The following ABCB11 variants were observed in gnomAD, a reference collection of about 807,000 sequenced individuals.
The protein encoded by ABCB11 is bile salt export pump.
Under a neutral mutation model 148.0 loss-of-function variants are expected in ABCB11, and 95 were observed. The observed-to-expected ratio is 0.64, with a 90% CI of 0.54 to 0.76. The LOEUF is 0.76. Among genes scored for constraint, ABCB11 ranks in the 30% least tolerant of loss-of-function variants. ABCB11 has a pLI of 0.00. For synonymous variants in ABCB11, 591 were observed against 555.4 expected, an observed-to-expected ratio of 1.06 and a Z score of -0.90; for missense variants, 1,523 against 1,617.8, an observed-to-expected ratio of 0.94 and a Z score of 1.01.
chr2:169,018,016 G>C (rs1573984892), intron 2 of ABCB11, 34 bp downstream of exon 2: 3 of 1,568,022 alleles, frequency 1.9e-6, no homozygotes, highest in East Asian at 4.5e-5. Flanking sequence ...ACCTCTCCTT[G>C]TACAAGATGC....
chr2:169,014,345 A>C lies in ABCB11; in HGVS notation c.108T>G (p.Asp36Glu). 1.2e-6 allele frequency: 2 copies of C among 1,613,048 alleles called. No individual in the cohort carries two copies. Among genetic ancestry groups the C allele is most frequent in the South Asian group, 1.1e-5 (1 of 91,050 alleles). ...YNNDKKSRLQ[D>E]EKKGDGVRVG... ...CTCTAACGCCATCACCTTTCTTCTC[A>C]TCTTGTAACCTGATGAGAAAAACAT... The change falls in exon 4 of 28, where the codon GAT (aspartate) becomes GAG (glutamate). Residue 36 changes from aspartate (D) to glutamate (E), a missense_variant. Transcript: ENST00000650372.
Position 168,979,890 on chromosome 2 carries a change from G to A in ABCB11, c.1173C>T (p.Thr391=). 6.3e-7 allele frequency: 1 copy of A among 1,598,064 alleles called. No individual in the cohort carries two copies. Among genetic ancestry groups the A allele is most frequent in the Non-Finnish European group, 8.5e-7 (1 of 1,169,988 alleles). The change falls in exon 11 of 28, where the codon ACC becomes ACT. Residue 391 remains threonine (T), a synonymous_variant. Coordinates refer to ENST00000650372, the MANE Select transcript of ABCB11 (RefSeq NM_003742.4). ...CCCTGTCTATTGTCTCAAAAATGCTGGTGGCTGCTGCACGTCCAGTTGCAA... is the reference window on the plus strand; with the variant it reads ...CCCTGTCTATTGTCTCAAAAATGCTAGTGGCTGCTGCACGTCCAGTTGCAA... ...EAFATGRAAA[T]SIFETIDRKP... is the part of the protein sequence containing the mutation.
intron 3 of ABCB11, 139 bp from the exon 4 acceptor site, chr2:169,014,493 A>T: frequency 1.4e-6 from 1 of 736,650 alleles, no homozygotes; most frequent in South Asian, 1.7e-5. Flanking sequence ...CAAACCTAGT[A>T]TCTTAAACAC....
chr2:168,985,312 TACA>T (rs1237151205), intron 10 of ABCB11, among the ~76,000 whole-genome samples: 7 of 152,220 alleles, frequency 4.6e-5, no homozygotes, highest in Admixed American at 3.9e-4. Context: ...TGTAAACTAG[TACA>T]ACAACTATGG....
intron 12 of ABCB11, among the ~76,000 whole-genome samples, chr2:168,975,164 AT>A (rs1693771621): frequency 2.4e-5 from 1 of 42,484 alleles, no homozygotes; most frequent in Non-Finnish European, 4.7e-5. Flanking sequence ...TATAATAAAT[AT>A]TTTTATATTT....
chr2:168,991,635 A>G (rs1250238162), intron 8 of ABCB11, among the ~76,000 whole-genome samples: 2 of 152,040 alleles, frequency 1.3e-5, no homozygotes, highest in African/African-American at 4.8e-5. Context: ...AATATATATA[A>G]TACCCAGATT....
In ABCB11 at chr2:169,003,743, A is replaced by T. The variant is rs573233106; in HGVS notation, c.390-7021T>A. On this transcript the variant is annotated intron_variant, in intron 5 of 27. Coordinates refer to ENST00000650372, the MANE Select transcript of ABCB11 (RefSeq NM_003742.4). ...AAAGTGTTCCCTTTTCACCACATTC[A>T]TGCCAACATCTATTCTTTTTTGATT... Among the ~76,000 whole-genome samples the T allele has an allele frequency of 2.0e-3, 300 of 152,254 alleles. 2 individuals carry two copies. Among genetic ancestry groups the T allele is most frequent in the African/African-American group, 6.6e-3 (274 of 41,554 alleles).
chr2:168,938,048 T>A (rs1350019278), intron 21 of ABCB11, among the ~76,000 whole-genome samples: 1 of 151,920 alleles, frequency 6.6e-6, no homozygotes. Flanking sequence ...GACAAAAAAA[T>A]GTAAAACGAC....
intron 17 of ABCB11, among the ~76,000 whole-genome samples, chr2:168,965,663 A>G (rs1397913478): frequency 1.3e-5 from 2 of 151,858 alleles, no homozygotes; most frequent in African/African-American, 4.8e-5. Flanking sequence ...AGAAAGAATC[A>G]CCTGAAGTAA....
chr2:168,968,708 A>G (rs1693425528), intron 16 of ABCB11, among the ~76,000 whole-genome samples: 1 of 151,748 alleles, frequency 6.6e-6, no homozygotes, highest in South Asian at 2.1e-4. Context: ...TAAACCATAC[A>G]ATAGCTTGTT....
intron 19 of ABCB11, among the ~76,000 whole-genome samples, chr2:168,950,854 A>C (rs1344520571): frequency 2.6e-5 from 4 of 151,644 alleles, no homozygotes; most frequent in African/African-American, 9.7e-5. Flanking sequence ...TCTTTGCCTA[A>C]GCAAATGTCC....
At chr2:168,950,140 T>TACACAC (rs36026125) in intron 19 of ABCB11, among the ~76,000 whole-genome samples, 11 of 143,972 alleles carry the variant, frequency 7.6e-5, no homozygotes, top group Non-Finnish European at 1.4e-4. Context: ...TATATATATA[T>TACACAC]ACACACACAC....
At chr2:169,016,850 A>C in intron 2 of ABCB11, 51 bp from the exon 3 acceptor site, 1 of 1,398,634 alleles carries the variant, frequency 7.1e-7, no homozygotes, top group Non-Finnish European at 9.9e-7. Flanking sequence ...TAATGACAAA[A>C]TGCAACGCAG....
At position 168,958,038 on chromosome 2, in the gene ABCB11, C is replaced by A; in HGVS notation, c.2269G>T (p.Val757Leu). 6.2e-7 allele frequency: 1 copy of A among 1,611,368 alleles called. No homozygotes were observed. The highest frequency in any genetic ancestry group is 8.5e-7 in the Non-Finnish European group (1 of 1,178,326). ...FSAPEWPYML[V>L]GSVGAAVNGT... ...TTCACAGCTGCACCCACAGACCCTA[C>A]CAGCATGTAGGGCCATTCTGGAGCA... is the stretch of plus-strand genomic sequence containing the variant. The change falls in exon 19 of 28, where the codon GTA becomes TTA. Residue 757 changes from valine (V) to leucine (L), a missense_variant. Coordinates refer to ENST00000650372, the MANE Select transcript of ABCB11 (RefSeq NM_003742.4).
At chr2:168,949,963 T>C (rs1692485427) in intron 19 of ABCB11, among the ~76,000 whole-genome samples, 1 of 151,524 alleles carries the variant, frequency 6.6e-6, no homozygotes, top group Non-Finnish European at 1.5e-5. Context: ...GTATTCTTCC[T>C]GCCCTCAAAC....
In ABCB11 at chr2:168,979,817, C is replaced by T. The variant is rs767362106; in HGVS notation, c.1197+49G>A. Reference sequence around the variant, plus strand: ...CTTCAGGAGTTCATTCTGTGCCCCACCCCCCAGCCCCCACCTGTTAATGGC... The same window carrying T: ...CTTCAGGAGTTCATTCTGTGCCCCATCCCCCAGCCCCCACCTGTTAATGGC... On this transcript the variant is annotated intron_variant, in intron 11 of 27. Coordinates refer to ENST00000650372, the MANE Select transcript of ABCB11 (RefSeq NM_003742.4). 4.7e-6 allele frequency: 5 copies of T among 1,073,106 alleles called. No homozygotes were observed. The African/African-American group carries it at 8.1e-5, about 17-fold the overall frequency. The allele number at this position is 1,073,106 out of a possible 1,614,324, so 66.5% of individuals were successfully genotyped here.
chr2:169,028,308 G>A (rs142828376), intron 1 of ABCB11, among the ~76,000 whole-genome samples: 50 of 152,054 alleles, frequency 3.3e-4, no homozygotes, highest in African/African-American at 1.1e-3. Context: ...GAAATTAGGC[G>A]TCAAGCAGGA....
At position 168,969,435 on chromosome 2, in the gene ABCB11, T is replaced by A. The variant is rs779863245; in HGVS notation, c.1926A>T (p.Glu642Asp). The A allele has an allele frequency of 6.2e-7, 1 of 1,612,698 alleles. No homozygotes were observed. Among genetic ancestry groups the A allele is most frequent in the South Asian group, 1.1e-5 (1 of 91,036 alleles). Reference sequence around the variant, plus strand: ...AGTAAACACCTTTCCTTTCCAGTAATTCTTCATGGGTCCCTCTTTCCACTG... The same window carrying A: ...AGTAAACACCTTTCCTTTCCAGTAAATCTTCATGGGTCCCTCTTTCCACTG... ...GTAVERGTHE[E>D]LLERKGVYFT... The change falls in exon 16 of 28, where the codon GAA becomes GAT. Residue 642 changes from glutamate to aspartate, a missense_variant. Glu to Asp is a conservative substitution (Grantham distance 45, BLOSUM62 2). Transcript: ENST00000650372.
chr2:168,973,881 T>C (rs544992343), intron 12 of ABCB11, 41 bp from the exon 13 acceptor site: 1 of 1,602,972 alleles, frequency 6.2e-7, no homozygotes, highest in Admixed American at 1.7e-5. Flanking sequence ...ATTGTCACTG[T>C]TTACCAAATC....
Sources: gnomAD v4.1 joint callset for allele counts (sites outside exome capture counted in the v4.1 genomes callset) on GRCh38, gnomAD v4.1.1 for gene constraint, MANE v1.5 for transcripts, NCBI Gene and HGNC (gene_info 2026-07-23, HGNC 2026-07-21) for gene names.